FRMD3: variants seen among roughly 807,000 people sequenced by gnomAD.
FRMD3 encodes the protein FERM domain-containing protein 3.
FRMD3 carries 33 observed loss-of-function variants against 70.2 expected under a neutral mutation model. The ratio of observed to expected loss-of-function variants is 0.47; its 90% CI spans 0.36 to 0.63. The LOEUF (loss-of-function observed/expected upper bound fraction) is 0.63. Ranked by LOEUF, FRMD3 falls within the 20% of genes least tolerant of loss-of-function variation. The probability of loss-of-function intolerance (pLI) is 0.00; values close to 1 mark genes in which losing one functional copy is unlikely to be tolerated. For synonymous variants in FRMD3, 279 were observed against 255.9 expected, an observed-to-expected ratio of 1.09 and a Z score of -0.86; for missense variants, 632 against 711.4, an observed-to-expected ratio of 0.89 and a Z score of 1.27.
At chr9:83,453,424 T>C (rs1827725020) in intron 1 of FRMD3, among the ~76,000 whole-genome samples, 1 of 152,088 alleles carries the variant, frequency 6.6e-6, no homozygotes, top group Admixed American at 6.5e-5. Context: ...CCCTGTCCAA[T>C]AGGGTAGCCA....
At chr9:83,571,115 G>A in the FRMD3 span, among the ~76,000 whole-genome samples, 3 of 152,146 alleles carry the variant, frequency 2.0e-5, no homozygotes, top group Admixed American at 1.3e-4. Context: ...CTCCCATGGA[G>A]GTGAGCACTT....
chr9:83,251,986 C>A (rs1263447027), intron 13 of FRMD3, among the ~76,000 whole-genome samples: 2 of 152,172 alleles, frequency 1.3e-5, no homozygotes, highest in Non-Finnish European at 2.9e-5. Flanking sequence ...CCCAACCTAG[C>A]AAGACCTGCC....
At chr9:83,577,632 TC>T in the FRMD3 span, among the ~76,000 whole-genome samples, 19 of 152,128 alleles carry the variant, frequency 1.2e-4, no homozygotes, top group African/African-American at 4.3e-4. Flanking sequence ...ATCTCTGTGA[TC>T]TTGGGTTAGA....
chr9:83,456,388 T>C (rs1168361094), intron 1 of FRMD3, among the ~76,000 whole-genome samples: 3 of 152,192 alleles, frequency 2.0e-5, no homozygotes, highest in African/African-American at 7.2e-5. Context: ...CATTTCACAA[T>C]GTTCAAGAAT....
At chr9:83,566,083 A>G in the FRMD3 span, among the ~76,000 whole-genome samples, 1 of 152,238 alleles carries the variant, frequency 6.6e-6, no homozygotes, top group Non-Finnish European at 1.5e-5. Context: ...TGCTGCTGAT[A>G]GAGACATACC....
chr9:83,571,002 C>T, the FRMD3 span, among the ~76,000 whole-genome samples: 2 of 152,132 alleles, frequency 1.3e-5, no homozygotes, highest in African/African-American at 4.8e-5. Flanking sequence ...CAAACTCATG[C>T]TGAAATTTGA....
chr9:83,284,533 A>G (rs1216486515), intron 13 of FRMD3, among the ~76,000 whole-genome samples: 1 of 152,154 alleles, frequency 6.6e-6, no homozygotes, highest in Non-Finnish European at 1.5e-5. Context: ...GCTTGAACCC[A>G]GGAGGCAGAG....
At chr9:83,415,740 G>A (rs1020530441) in intron 1 of FRMD3, among the ~76,000 whole-genome samples, 11 of 149,388 alleles carry the variant, frequency 7.4e-5, no homozygotes, top group African/African-American at 1.7e-4. Flanking sequence ...GATTACAGGC[G>A]TGAGCCACTG....
intron 1 of FRMD3, among the ~76,000 whole-genome samples, chr9:83,496,646 TAA>T (rs11329291): frequency 2.0e-5 from 3 of 151,080 alleles, no homozygotes; most frequent in Non-Finnish European, 3.0e-5. Flanking sequence ...GAAAGCAGAT[TAA>T]AAAAAAAATG....
At chr9:83,570,460 A>G in the FRMD3 span, among the ~76,000 whole-genome samples, 1 of 152,224 alleles carries the variant, frequency 6.6e-6, no homozygotes, top group East Asian at 1.9e-4. Context: ...CTACTGTTGC[A>G]TAACAAATTA....
At chr9:83,340,726 G>C (rs184386792) in intron 5 of FRMD3, among the ~76,000 whole-genome samples, 6 of 152,294 alleles carry the variant, frequency 3.9e-5, no homozygotes, top group Admixed American at 3.9e-4. Flanking sequence ...GTTGGATTCA[G>C]TATGTACAGG....
downstream of FRMD3, among the ~76,000 whole-genome samples, chr9:83,244,244 G>C (rs1355782330): frequency 6.6e-6 from 1 of 152,172 alleles, no homozygotes; most frequent in African/African-American, 2.4e-5. Context: ...TCTGGCGTGG[G>C]AAGGCACCCT....
the FRMD3 span, among the ~76,000 whole-genome samples, chr9:83,569,778 C>T: frequency 6.6e-6 from 1 of 152,208 alleles, no homozygotes; most frequent in African/African-American, 2.4e-5. Flanking sequence ...GATTTCGCCA[C>T]TTAATTTAAT....
chr9:83,245,018 CAGT>C lies in FRMD3; in HGVS notation c.*2897_*2899del. The C allele has an allele frequency of 1.0e-6, 1 of 984,790 alleles. No homozygotes were observed. The highest frequency in any genetic ancestry group is 1.2e-6 in the Non-Finnish European group (1 of 829,398). The allele number at this position is 984,790 out of a possible 1,614,324, so 61.0% of individuals were successfully genotyped here. A position where few individuals can be genotyped will look rare whatever the true frequency, so the allele number is the denominator to read the frequency against. ...TTATTTATATCCACAAATGTACACT[CAGT>C]GGCATTTATGGAAAATTTAACCCTT... On this transcript the variant is annotated 3_prime_UTR_variant, in exon 14 of 14. Coordinates refer to ENST00000304195, the MANE Select transcript of FRMD3 (RefSeq NM_174938.6).
At position 83,360,731 on chromosome 9, in the gene FRMD3, A is replaced by C. The variant is rs149551244; in HGVS notation, c.296-10974T>G. On this transcript the variant is annotated intron_variant, in intron 3 of 13. Transcript: ENST00000304195. Reference sequence around the variant, plus strand: ...CACACTACTGCACCCAATCAAAATGATGTCAGTGTTGCCACCAACCATTGC... The same window carrying C: ...CACACTACTGCACCCAATCAAAATGCTGTCAGTGTTGCCACCAACCATTGC... Among the ~76,000 whole-genome samples, 162 of 152,328 alleles carry C rather than the reference A, an allele frequency of 1.1e-3. 1 individual carries two copies. The highest frequency in any genetic ancestry group is 3.7e-3 in the African/African-American group (154 of 41,566).
At chr9:83,270,340 T>A (rs1317642530) in intron 13 of FRMD3, among the ~76,000 whole-genome samples, 5 of 152,200 alleles carry the variant, frequency 3.3e-5, no homozygotes, top group African/African-American at 4.8e-5. Context: ...TGATAAGAAC[T>A]GTTCATGAGC....
intron 1 of FRMD3, among the ~76,000 whole-genome samples, chr9:83,420,113 G>C (rs1826587813): frequency 6.6e-6 from 1 of 152,164 alleles, no homozygotes; most frequent in Admixed American, 6.5e-5. Flanking sequence ...AAAATGATAT[G>C]TCCAGCTGGC....
At chr9:83,286,316 A>AT (rs1414078479) in intron 13 of FRMD3, among the ~76,000 whole-genome samples, 15 of 141,090 alleles carry the variant, frequency 1.1e-4, no homozygotes, top group Non-Finnish European at 1.4e-4. Flanking sequence ...TTTTTAAAAA[A>AT]TTTTTAATTA....
At chr9:83,334,438 C>G (rs1160433522) in intron 6 of FRMD3, among the ~76,000 whole-genome samples, 1 of 152,168 alleles carries the variant, frequency 6.6e-6, no homozygotes, top group East Asian at 1.9e-4. Context: ...GGGGGCGCGC[C>G]TGCATAAAGG....
Sources: allele counts gnomAD v4.1 joint callset (sites outside exome capture counted in the v4.1 genomes callset), GRCh38; gene constraint gnomAD v4.1.1; transcripts MANE v1.5; gene names NCBI Gene and HGNC (gene_info 2026-07-23, HGNC 2026-07-21).